The following INPP5F variants were observed in gnomAD, a reference collection of about 807,000 sequenced individuals.
INPP5F encodes the protein inositol polyphosphate-5-phosphatase F.
In INPP5F, 97 loss-of-function variants were observed where a neutral mutation model predicts 137.2. The ratio of observed to expected loss-of-function variants is 0.71; its 90% CI spans 0.60 to 0.84. INPP5F has a LOEUF of 0.84. INPP5F is among the 40% of genes least tolerant of loss of function. The pLI, the probability that INPP5F is intolerant of heterozygous loss-of-function variation, is 0.00. For missense variants in INPP5F, 1,271 were observed against 1,371.9 expected, an observed-to-expected ratio of 0.93 and a Z score of 1.16; for synonymous variants, 504 against 476.9, an observed-to-expected ratio of 1.06 and a Z score of -0.74.
Position 119,826,667 on chromosome 10 carries a change from C to T in INPP5F, c.2286C>T (p.Ile762=). 1 of 1,603,890 alleles carries T rather than the reference C, an allele frequency of 6.2e-7. No individual in the cohort carries two copies. The highest frequency in any genetic ancestry group is 8.5e-7 in the Non-Finnish European group (1 of 1,177,324). ...SSKPHEDIIG[I]RSQNQGSLAQ... ...AACCTCACGAAGACATCATTGGTAT[C>T]AGGTCTCAAAACCAAGGTTCTTTGG... Residue 762 remains isoleucine, a synonymous_variant, in exon 20 of 20, where the codon ATC becomes ATT. Transcript: ENST00000650623.
chr10:119,771,473 G>A (rs1164368294), intron 2 of INPP5F, among the ~76,000 whole-genome samples: 1 of 151,876 alleles, frequency 6.6e-6, no homozygotes, highest in Non-Finnish European at 1.5e-5. Flanking sequence ...GGTATTCAGC[G>A]AAGCCTCCCT....
At chr10:119,807,845 G>C (rs1850854718) in intron 12 of INPP5F, 87 bp from the exon 13 acceptor site, 2 of 1,297,540 alleles carry the variant, frequency 1.5e-6, no homozygotes, top group South Asian at 3.1e-5. Flanking sequence ...AATTGTATAT[G>C]AATATGTTTC....
At chr10:119,794,679 G>A (rs1266245042) in intron 6 of INPP5F, among the ~76,000 whole-genome samples, 2 of 149,600 alleles carry the variant, frequency 1.3e-5, no homozygotes, top group East Asian at 2.1e-4. Context: ...CGGACGGGGC[G>A]GCTGGCCAGG....
At chr10:119,811,088 A>G (rs1196835268) in intron 14 of INPP5F, among the ~76,000 whole-genome samples, 1 of 152,222 alleles carries the variant, frequency 6.6e-6, no homozygotes, top group Non-Finnish European at 1.5e-5. Context: ...TCGTTGACCT[A>G]GCTACTCAGT....
At chr10:119,772,057 C>T (rs892660783) in intron 2 of INPP5F, among the ~76,000 whole-genome samples, 19 of 150,664 alleles carry the variant, frequency 1.3e-4, no homozygotes, top group African/African-American at 2.0e-4. Context: ...GCCACCACGC[C>T]GGGCTAATTT....
At chr10:119,762,671 T>C (rs1237979990) in intron 2 of INPP5F, among the ~76,000 whole-genome samples, 1 of 152,162 alleles carries the variant, frequency 6.6e-6, no homozygotes, top group Non-Finnish European at 1.5e-5. Flanking sequence ...AGGATGTGTA[T>C]AGGTATATGG....
chr10:119,822,561 G>A (rs769222174), intron 17 of INPP5F, 57 bp downstream of exon 17: 1 of 765,606 alleles, frequency 1.3e-6, no homozygotes, highest in South Asian at 1.8e-5. Context: ...TTTCCAAGAG[G>A]GGGTCAAATT....
intron 1 of INPP5F, among the ~76,000 whole-genome samples, chr10:119,747,940 AG>A (rs1848586026): frequency 6.6e-6 from 1 of 152,216 alleles, no homozygotes; most frequent in Admixed American, 6.5e-5. Flanking sequence ...TGGGATCCTT[AG>A]GGTGTTGCTT....
rs1299009665 is a variant in INPP5F at position 119,787,660 on chromosome 10, G to T, written c.316-3857G>T. 6.6e-6 allele frequency among the ~76,000 whole-genome samples: 1 copy of T among 151,788 alleles called. No individual in the cohort carries two copies. The highest frequency in any genetic ancestry group is 2.4e-5 in the African/African-American group (1 of 41,318). ...GGAAGGGGAGGAGGAAGGGAGGAAG[G>T]CAGGCAGGCAGGCAGGAAGGAAGGA... On this transcript the variant is annotated intron_variant, in intron 3 of 19. Transcript: ENST00000650623. The surrounding 1 kb of genome is among the most constrained non-coding windows in gnomAD (Gnocchi z 4.1).
Position 119,748,623 on chromosome 10 carries a change from C to T in INPP5F, c.98-2453C>T, listed in dbSNP as rs1398377309. On this transcript the variant is annotated intron_variant, in intron 1 of 19. Coordinates refer to ENST00000650623, the MANE Select transcript of INPP5F (RefSeq NM_014937.4). This position sits in a 1 kb window ranked among gnomAD's most constrained non-coding sequence, Gnocchi z 4.7. ...AGGCAGGTCATCCAATGAGGAGACC[C>T]GAAGGGGGCAGCTCCCTCCCGCAGC... 6.6e-6 allele frequency among the ~76,000 whole-genome samples: 1 copy of T among 152,070 alleles called. No homozygotes were observed. Among genetic ancestry groups the T allele is most frequent in the South Asian group, 2.1e-4 (1 of 4,826 alleles).
At position 119,807,523 on chromosome 10, in the gene INPP5F, G is replaced by GA. The variant is rs533007317; in HGVS notation, c.1441-403dup. Among the ~76,000 whole-genome samples the GA allele has an allele frequency of 2.8e-4, 42 of 152,200 alleles. No homozygotes were observed. In the South Asian group the frequency reaches 8.3e-3, roughly 30 times the overall value. On this transcript the variant is annotated intron_variant, in intron 12 of 19. Coordinates refer to ENST00000650623, the MANE Select transcript of INPP5F (RefSeq NM_014937.4). The stretch of plus-strand genomic sequence containing the variant: ...TAGTGGTGTTAGGACTAGTGAATGT[G>GA]AAAAAACTGTGTAAAAAAGCTCTTA...
Position 119,827,835 on chromosome 10 carries a change from C to T in INPP5F, c.*55C>T, listed in dbSNP as rs1016571788. 4.0e-6 allele frequency: 5 copies of T among 1,245,422 alleles called. No homozygotes were observed. Among genetic ancestry groups the T allele is most frequent in the Non-Finnish European group, 5.6e-6 (5 of 889,890 alleles). The allele number at this position is 1,245,422 out of a possible 1,614,324, so 77.1% of individuals were successfully genotyped here. A position where few individuals can be genotyped will look rare whatever the true frequency, so the allele number is the denominator to read the frequency against. ...TTTATTTAAAAATATGAAATTTTCACCTCTTGGGGTATTTTAATTGTACTG... is the reference window on the plus strand; with the variant it reads ...TTTATTTAAAAATATGAAATTTTCATCTCTTGGGGTATTTTAATTGTACTG... On this transcript the variant is annotated 3_prime_UTR_variant, in exon 20 of 20. Coordinates refer to ENST00000650623, the MANE Select transcript of INPP5F (RefSeq NM_014937.4).
At chr10:119,799,462 C>A in intron 9 of INPP5F, 1 of 221,264 alleles carries the variant, frequency 4.5e-6, no homozygotes, top group South Asian at 5.6e-5. Flanking sequence ...AGGGAAGTCT[C>A]AATATTAAAT....
chr10:119,730,892 A>G (rs1325566265), intron 1 of INPP5F, among the ~76,000 whole-genome samples: 3 of 151,794 alleles, frequency 2.0e-5, no homozygotes, highest in African/African-American at 7.3e-5. Flanking sequence ...GGTTCAAGCA[A>G]TTCTCCTGCC....
intron 2 of INPP5F, among the ~76,000 whole-genome samples, chr10:119,760,672 G>T (rs1262106129): frequency 6.6e-6 from 1 of 152,142 alleles, no homozygotes; most frequent in Non-Finnish European, 1.5e-5. Flanking sequence ...CTTAGGCTTG[G>T]CCAGTAACAA....
chr10:119,779,659 A>G (rs111974480), intron 2 of INPP5F, among the ~76,000 whole-genome samples: 2,109 of 152,130 alleles, frequency 0.014, 68 homozygotes, highest in African/African-American at 0.048. Context: ...GGCTCAAGCA[A>G]TCCTCCCACT....
intron 3 of INPP5F, among the ~76,000 whole-genome samples, chr10:119,790,518 T>C (rs538403630): frequency 1.3e-5 from 2 of 152,324 alleles, no homozygotes; most frequent in South Asian, 2.1e-4. Flanking sequence ...GGTCCAGTTA[T>C]TAGTTTCTAC....
intron 6 of INPP5F, among the ~76,000 whole-genome samples, chr10:119,795,920 A>AG (rs1850361218): frequency 6.6e-6 from 1 of 152,212 alleles, no homozygotes. Context: ...CACCAAAAAA[A>AG]TATGAAAACC....
intron 2 of INPP5F, among the ~76,000 whole-genome samples, chr10:119,759,714 A>G (rs1848954316): frequency 6.6e-6 from 1 of 152,176 alleles, no homozygotes; most frequent in Non-Finnish European, 1.5e-5. Flanking sequence ...AGATTCTTTA[A>G]CTATAATTTA....
Sources: allele counts gnomAD v4.1 joint callset (sites outside exome capture counted in the v4.1 genomes callset), GRCh38; gene constraint gnomAD v4.1.1; non-coding constraint Gnocchi (gnomAD v3.1); transcripts MANE v1.5; gene names NCBI Gene and HGNC (gene_info 2026-07-23, HGNC 2026-07-21).